The following PTPRT variants were observed in gnomAD, a reference collection of about 807,000 sequenced individuals.
PTPRT encodes the protein protein tyrosine phosphatase receptor type T.
PTPRT carries 56 observed loss-of-function variants against 176.8 expected under a neutral mutation model. The ratio of observed to expected loss-of-function variants is 0.32; its 90% CI spans 0.26 to 0.40. The LOEUF is 0.40. PTPRT is among the 10% of genes least tolerant of loss of function. The pLI, the probability that PTPRT is intolerant of heterozygous loss-of-function variation, is 1.00. For synonymous variants in PTPRT, 783 were observed against 739.0 expected (o/e 1.06, Z -0.96); for missense variants, 1,540 against 1,908.2 (o/e 0.81, Z 3.60).
intron 7 of PTPRT, among the ~76,000 whole-genome samples, chr20:42,651,882 A>G (rs1218085093): frequency 6.6e-6 from 1 of 152,062 alleles, no homozygotes; most frequent in African/African-American, 2.4e-5. Context: ...CCCCATCTTT[A>G]CTAAAACTAA....
intron 12 of PTPRT, among the ~76,000 whole-genome samples, chr20:42,298,031 AT>A (rs1363598803): frequency 2.6e-5 from 4 of 152,174 alleles, no homozygotes; most frequent in Non-Finnish European, 4.4e-5. Flanking sequence ...ATCTGACAAC[AT>A]TTTATTTGCT....
rs73268865 is a variant in PTPRT at position 42,223,891 on chromosome 20, T to C, written c.2342+12338A>G. Among the ~76,000 whole-genome samples the C allele has an allele frequency of 3.4e-3, 523 of 152,306 alleles. 4 individuals are homozygous for C. The highest frequency in any genetic ancestry group is 0.012 in the African/African-American group (500 of 41,574). On this transcript the variant is annotated intron_variant, in intron 15 of 30. Coordinates refer to ENST00000373187, the MANE Select transcript of PTPRT (RefSeq NM_007050.6). Reference sequence around the variant, plus strand: ...TTTCCCAAACAGAATAAGCCTTCTTTAGTCTCGAGGCTCAATTTGGTCTAC... The same window carrying C: ...TTTCCCAAACAGAATAAGCCTTCTTCAGTCTCGAGGCTCAATTTGGTCTAC...
At chr20:42,093,610 C>A (rs2146181472) in intron 27 of PTPRT, among the ~76,000 whole-genome samples, 1 of 152,306 alleles carries the variant, frequency 6.6e-6, no homozygotes, top group South Asian at 2.1e-4. Context: ...GTAGCCCTGC[C>A]CAATCCCCAA....
At chr20:43,108,227 ACT>A (rs1358019777) in intron 1 of PTPRT, among the ~76,000 whole-genome samples, 1 of 151,952 alleles carries the variant, frequency 6.6e-6, no homozygotes, top group Non-Finnish European at 1.5e-5. Context: ...ACCTCTTGGA[ACT>A]CTAGTTTTGA....
intron 5 of PTPRT, 131 bp from the exon 6 acceptor site, chr20:42,756,767 C>T: frequency 1.3e-6 from 1 of 758,916 alleles, no homozygotes; most frequent in Non-Finnish European, 2.0e-6. Flanking sequence ...AAGGGATTTC[C>T]AGCCAGGCAC....
chr20:42,722,118 C>T (rs6103012), intron 6 of PTPRT, among the ~76,000 whole-genome samples: 20,882 of 152,090 alleles, frequency 0.14, 2,059 homozygotes, highest in African/African-American at 0.28. Flanking sequence ...CCCAAGTGTC[C>T]TCCCTTCCTC....
chr20:42,950,357 A>T (rs953913511), intron 1 of PTPRT, among the ~76,000 whole-genome samples: 1 of 151,940 alleles, frequency 6.6e-6, no homozygotes, highest in Non-Finnish European at 1.5e-5. Context: ...TGGGGCCAGG[A>T]CTCTTTCACG....
chr20:42,523,078 C>T (rs1379342248), intron 7 of PTPRT, among the ~76,000 whole-genome samples: 1 of 152,166 alleles, frequency 6.6e-6, no homozygotes, highest in African/African-American at 2.4e-5. Flanking sequence ...TAGACTACTC[C>T]AGACACATAA....
At chr20:42,244,262 T>C (rs1281708274) in intron 14 of PTPRT, among the ~76,000 whole-genome samples, 2 of 152,190 alleles carry the variant, frequency 1.3e-5, no homozygotes, top group African/African-American at 4.8e-5. Flanking sequence ...GGAGGGCAGG[T>C]ACAAGTCACA....
chr20:43,178,229 A>G (rs1264551702), intron 1 of PTPRT, among the ~76,000 whole-genome samples: 2 of 152,208 alleles, frequency 1.3e-5, no homozygotes, highest in Non-Finnish European at 1.5e-5. Flanking sequence ...ACTTCATCCC[A>G]GACAATTTTG....
intron 1 of PTPRT, among the ~76,000 whole-genome samples, chr20:42,976,798 A>G (rs1982982094): frequency 6.6e-6 from 1 of 152,186 alleles, no homozygotes; most frequent in African/African-American, 2.4e-5. Flanking sequence ...TTTCTTTTCA[A>G]ATTTTCCTAA....
chr20:42,998,136 T>C (rs762690079), intron 1 of PTPRT, among the ~76,000 whole-genome samples: 4 of 152,214 alleles, frequency 2.6e-5, no homozygotes, highest in Admixed American at 6.5e-5. Flanking sequence ...AAGTAAAATA[T>C]GCAAACATTA....
chr20:42,390,616 G>A (rs544000500), intron 9 of PTPRT, among the ~76,000 whole-genome samples: 7 of 152,184 alleles, frequency 4.6e-5, no homozygotes, highest in African/African-American at 1.7e-4. Flanking sequence ...CATGTGCCAT[G>A]TCATAACATA....
At chr20:42,716,047 A>G (rs2076217941) in intron 6 of PTPRT, among the ~76,000 whole-genome samples, 1 of 152,064 alleles carries the variant, frequency 6.6e-6, no homozygotes, top group Non-Finnish European at 1.5e-5. Context: ...GACTTGCTCT[A>G]TTGCACTTCT....
intron 15 of PTPRT, among the ~76,000 whole-genome samples, chr20:42,210,905 G>C (rs1350908034): frequency 4.6e-5 from 7 of 151,266 alleles, no homozygotes; most frequent in Non-Finnish European, 8.9e-5. Flanking sequence ...ATACTACAAG[G>C]CTACAGTAAC....
At chr20:43,027,592 C>T (rs1985968120) in intron 1 of PTPRT, among the ~76,000 whole-genome samples, 1 of 152,074 alleles carries the variant, frequency 6.6e-6, no homozygotes, top group African/African-American at 2.4e-5. Flanking sequence ...AGAAGAAAGA[C>T]CACGTGAGGA....
chr20:42,818,117 T>C (rs928960179), intron 2 of PTPRT, among the ~76,000 whole-genome samples: 2 of 152,182 alleles, frequency 1.3e-5, no homozygotes, highest in African/African-American at 4.8e-5. Flanking sequence ...GCAACCCTAC[T>C]GGCATCAGTC....
At chr20:42,709,858 T>C (rs936092069) in intron 6 of PTPRT, among the ~76,000 whole-genome samples, 1 of 152,144 alleles carries the variant, frequency 6.6e-6, no homozygotes, top group South Asian at 2.1e-4. Context: ...AGGTCTTAGA[T>C]GGAAATGAAG....
chr20:43,030,555 T>C (rs370291782), intron 1 of PTPRT, among the ~76,000 whole-genome samples: 3 of 152,004 alleles, frequency 2.0e-5, no homozygotes, highest in Non-Finnish European at 4.4e-5. Context: ...ACCTCTGTTG[T>C]TCAGTGAGGA....
Sources: gnomAD v4.1 joint callset for allele counts (sites outside exome capture counted in the v4.1 genomes callset) on GRCh38, gnomAD v4.1.1 for gene constraint, MANE v1.5 for transcripts, NCBI Gene and HGNC (gene_info 2026-07-23, HGNC 2026-07-21) for gene names.